The following CENPE variants were observed in gnomAD, a reference collection of about 807,000 sequenced individuals.
CENPE encodes the protein centromere protein E, also known as centromere-associated protein E.
In CENPE, 145 loss-of-function variants were observed where a neutral mutation model predicts 336.1. That is an observed-to-expected ratio of 0.43 (90% CI 0.38 to 0.50). The LOEUF (loss-of-function observed/expected upper bound fraction) is 0.50. CENPE is among the 20% of genes least tolerant of loss of function. The pLI, the probability that CENPE is intolerant of heterozygous loss-of-function variation, is 0.00. For synonymous variants in CENPE, 1,013 were observed against 984.8 expected (o/e 1.03, Z -0.54); for missense variants, 2,719 against 3,023.3 (o/e 0.90, Z 2.36).
rs758120581 is a variant in CENPE, at chr4:103,158,475, TA to T, written c.2875-18del. On this transcript the variant is annotated intron_variant, in intron 23 of 48. Coordinates refer to ENST00000265148, the MANE Select transcript of CENPE (RefSeq NM_001813.3). ...ATCTATATTCTTTGTTAGAAAAATATAAAAACAATTTCCATTAGAATATGAA... is the reference window on the plus strand; with the variant it reads ...ATCTATATTCTTTGTTAGAAAAATATAAAACAATTTCCATTAGAATATGAA... The T allele has an allele frequency of 1.4e-5, 22 of 1,527,988 alleles. No individual in the cohort carries two copies. The African/African-American group carries it at 2.9e-4, about 20-fold the overall frequency. 94.7% of individuals were successfully genotyped at this position (1,527,988 alleles called of 1,614,324 possible).
intron 42 of CENPE, among the ~76,000 whole-genome samples, chr4:103,127,248 G>C (rs755636459): frequency 6.6e-6 from 1 of 151,862 alleles, no homozygotes; most frequent in Non-Finnish European, 1.5e-5. Context: ...ATACCTATAG[G>C]GGAGTGAAGA....
rs1489103562 is a variant in CENPE, at chr4:103,143,375, A to G, written c.5177T>C (p.Val1726Ala). 1 of 1,605,358 alleles carries G rather than the reference A, an allele frequency of 6.2e-7. No individual in the cohort carries two copies. Among genetic ancestry groups the G allele is most frequent in the Admixed American group, 1.7e-5 (1 of 59,522 alleles). ...TTGGTGCTCCTTCAGATGCATGTGAACAATTTTTAGCTCCTCTTGTTTTTC... is the reference window on the plus strand; with the variant it reads ...TTGGTGCTCCTTCAGATGCATGTGAGCAATTTTTAGCTCCTCTTGTTTTTC... ...DLEKQEELKIVHMHLKEHQET... is the reference protein window; with the variant it reads ...DLEKQEELKIAHMHLKEHQET... Residue 1726 changes from valine (V) to alanine (A), a missense_variant, in exon 34 of 49, where the codon GTT becomes GCT. By Grantham distance (64) the Val-to-Ala change is moderately conservative. Around this residue, in one of 5 missense-constraint regions of CENPE, gnomAD observed 2,437 missense variants for 2,513.3 expected, o/e 0.97. Coordinates refer to ENST00000265148, the MANE Select transcript of CENPE (RefSeq NM_001813.3).
intron 43 of CENPE, 60 bp from the exon 44 acceptor site, chr4:103,120,393 ATT>A: frequency 7.2e-7 from 1 of 1,384,660 alleles, no homozygotes; most frequent in South Asian, 1.3e-5. Flanking sequence ...CAGTATAGAA[ATT>A]TGAGACAGAG....
chr4:103,116,424 T>C (rs897689063), intron 45 of CENPE, 153 bp downstream of exon 45: 1 of 462,968 alleles, frequency 2.2e-6, no homozygotes, highest in African/African-American at 2.0e-5. Context: ...GACCAGTATA[T>C]TTAAAATCTA....
At chr4:103,122,833 G>A (rs1471910651) in intron 43 of CENPE, 38 bp downstream of exon 43, 42 of 1,468,896 alleles carry the variant, frequency 2.9e-5, no homozygotes, top group Non-Finnish European at 4.0e-5. Flanking sequence ...CTGTGATGAA[G>A]CTGCAAACTG....
At chr4:103,195,014 G>C (rs375336323) in intron 5 of CENPE, 100 bp downstream of exon 5, 18 of 1,056,412 alleles carry the variant, frequency 1.7e-5, no homozygotes, top group Non-Finnish European at 2.4e-5. Context: ...TATAGAAATA[G>C]GAGACACTTT....
At chr4:103,136,389 T>A in intron 39 of CENPE, 30 bp from the exon 40 acceptor site, 2 of 1,452,596 alleles carry the variant, frequency 1.4e-6, no homozygotes, top group Non-Finnish European at 1.9e-6. Flanking sequence ...ACTCAATTTA[T>A]AACAATTCAT....
chr4:103,127,134 A>C (rs576806574), intron 42 of CENPE, among the ~76,000 whole-genome samples: 1 of 151,508 alleles, frequency 6.6e-6, no homozygotes, highest in South Asian at 2.1e-4. Flanking sequence ...CCCGAAAAAA[A>C]ACCCCCAAAA....
At chr4:103,174,964 T>A in intron 15 of CENPE, 61 bp from the exon 16 acceptor site, 3 of 1,078,902 alleles carry the variant, frequency 2.8e-6, no homozygotes, top group Non-Finnish European at 3.8e-6. Flanking sequence ...GTTTCCTTAA[T>A]AAAATTTGAA....
chr4:103,164,812 T>C (rs1186634037), intron 16 of CENPE, among the ~76,000 whole-genome samples: 3 of 152,266 alleles, frequency 2.0e-5, no homozygotes, highest in Non-Finnish European at 4.4e-5. Flanking sequence ...TCTTAGACAT[T>C]TGTACTGCTT....
rs1433459890 is a variant in CENPE, at chr4:103,149,176, T to G, written c.3629A>C (p.Lys1210Thr). 6.2e-7 allele frequency: 1 copy of G among 1,609,764 alleles called. No homozygotes were observed. Among genetic ancestry groups the G allele is most frequent in the Non-Finnish European group, 8.5e-7 (1 of 1,179,358 alleles). ...KERKVLKELQ[K>T]SFETERDHLR... ...GTGGTCTCTCTCTGTTTCAAATGAC[T>G]TCTGTAATTCCTTTAGAACTTTTCT... Residue 1210 changes from lysine (K) to threonine (T), a missense_variant, in exon 27 of 49, where the codon AAG becomes ACG. Coordinates refer to ENST00000265148, the MANE Select transcript of CENPE (RefSeq NM_001813.3).
chr4:103,190,673 C>T (rs1337459684), intron 8 of CENPE, among the ~76,000 whole-genome samples: 1 of 152,064 alleles, frequency 6.6e-6, no homozygotes, highest in Non-Finnish European at 1.5e-5. Flanking sequence ...AATGTGAGAC[C>T]TAAAACCATA....
intron 13 of CENPE, among the ~76,000 whole-genome samples, chr4:103,179,227 TCCAGAG>T (rs1756129430): frequency 6.6e-6 from 1 of 152,132 alleles, no homozygotes; most frequent in African/African-American, 2.4e-5. Flanking sequence ...TCACTCCAAC[TCCAGAG>T]CCACAATCTT....
chr4:103,155,979 G>A (rs919288058), intron 24 of CENPE, among the ~76,000 whole-genome samples: 9 of 152,136 alleles, frequency 5.9e-5, no homozygotes, highest in Non-Finnish European at 1.0e-4. Context: ...AAGAAATTAA[G>A]ACAATTTTAT....
chr4:103,147,241 G>A (rs902710736), intron 29 of CENPE, 115 bp downstream of exon 29: 1 of 861,238 alleles, frequency 1.2e-6, no homozygotes, highest in Admixed American at 2.6e-5. Context: ...ATGATTAAGA[G>A]ACATTAAAAA....
intron 13 of CENPE, among the ~76,000 whole-genome samples, chr4:103,178,070 G>C (rs1200036999): frequency 7.5e-6 from 1 of 133,682 alleles, no homozygotes; most frequent in African/African-American, 2.8e-5. Flanking sequence ...TCTCCCTCTT[G>C]GTTCTCACCC....
At chr4:103,156,568 T>TAC (rs1212249681) in intron 24 of CENPE, among the ~76,000 whole-genome samples, 2 of 152,046 alleles carry the variant, frequency 1.3e-5, no homozygotes, top group Non-Finnish European at 2.9e-5. Context: ...ACACTATATA[T>TAC]ACAAATAAAT....
At chr4:103,153,426 T>C (rs1033867598) in intron 24 of CENPE, among the ~76,000 whole-genome samples, 176 bp from the exon 25 acceptor site, 1 of 152,184 alleles carries the variant, frequency 6.6e-6, no homozygotes, top group African/African-American at 2.4e-5. Flanking sequence ...ATTTGACAGA[T>C]GAGGAAACTG....
chr4:103,158,261 T>C (rs1048948019), intron 24 of CENPE, 39 bp downstream of exon 24: 1 of 1,503,058 alleles, frequency 6.7e-7, no homozygotes, highest in South Asian at 1.3e-5. Context: ...AGAGTATATA[T>C]ACAAGCATAT....
Sources: gnomAD v4.1 joint callset for allele counts (sites outside exome capture counted in the v4.1 genomes callset) on GRCh38, gnomAD v4.1.1 for gene constraint, gnomAD v4.1.1 regional missense constraint, MANE v1.5 for transcripts, NCBI Gene and HGNC (gene_info 2026-07-23, HGNC 2026-07-21) for gene names.